The following GALNTL6 variants were observed in gnomAD, a reference collection of about 807,000 sequenced individuals.
GALNTL6 encodes the protein polypeptide N-acetylgalactosaminyltransferase-like 6.
Under a neutral mutation model 73.7 loss-of-function variants are expected in GALNTL6, and 46 were observed. The ratio of observed to expected loss-of-function variants is 0.62; its 90% CI spans 0.49 to 0.80. GALNTL6 has a LOEUF of 0.80. Among genes scored for constraint, GALNTL6 ranks in the 30% least tolerant of loss-of-function variants. The pLI is 0.00. For missense variants in GALNTL6, 604 were observed against 755.0 expected (o/e 0.80, Z 2.34); for synonymous variants, 259 against 263.7 (o/e 0.98, Z 0.17).
intron 8 of GALNTL6, among the ~76,000 whole-genome samples, chr4:172,910,565 G>A (rs760533921): frequency 2.6e-5 from 4 of 152,128 alleles, no homozygotes; most frequent in African/African-American, 7.2e-5. Context: ...AATTTAGTTT[G>A]GATGGTAAGA....
chr4:172,976,018 G>A (rs911238457), intron 10 of GALNTL6, among the ~76,000 whole-genome samples: 4 of 152,080 alleles, frequency 2.6e-5, no homozygotes, highest in East Asian at 1.9e-4. Context: ...CGCTTAACTC[G>A]GAAGGGGGCG....
chr4:172,134,830 C>T (rs547016824), intron 2 of GALNTL6, among the ~76,000 whole-genome samples: 1 of 152,178 alleles, frequency 6.6e-6, no homozygotes, highest in African/African-American at 2.4e-5. Flanking sequence ...ACAAAGATTT[C>T]TTCCATCATG....
intron 5 of GALNTL6, among the ~76,000 whole-genome samples, chr4:172,630,370 T>A (rs1739341741): frequency 6.6e-6 from 1 of 152,198 alleles, no homozygotes. Context: ...GACATTAATA[T>A]ACATTTTATC....
At chr4:172,751,240 CTT>C (rs1008820221) in intron 5 of GALNTL6, among the ~76,000 whole-genome samples, 2 of 152,114 alleles carry the variant, frequency 1.3e-5, no homozygotes, top group African/African-American at 2.4e-5. Flanking sequence ...GCTGTTGAGA[CTT>C]TAGTCTTTTC....
chr4:172,691,101 G>A (rs762708601), intron 5 of GALNTL6, among the ~76,000 whole-genome samples: 1 of 152,190 alleles, frequency 6.6e-6, no homozygotes, highest in Non-Finnish European at 1.5e-5. Context: ...AGGCAGGAAA[G>A]TTTCCATGGA....
chr4:172,367,272 T>C (rs1339408098), intron 5 of GALNTL6, among the ~76,000 whole-genome samples: 1 of 152,216 alleles, frequency 6.6e-6, no homozygotes, highest in Admixed American at 6.5e-5. Context: ...TTGGTCTTCC[T>C]ACAAGGATGA....
intron 7 of GALNTL6, among the ~76,000 whole-genome samples, chr4:172,814,176 C>T (rs1030114791): frequency 2.0e-5 from 3 of 152,124 alleles, no homozygotes; most frequent in African/African-American, 7.2e-5. Context: ...GTACCTATAA[C>T]GGAAGCGTGC....
chr4:171,980,059 A>G (rs1301752771), intron 2 of GALNTL6, among the ~76,000 whole-genome samples: 1 of 152,228 alleles, frequency 6.6e-6, no homozygotes, highest in Non-Finnish European at 1.5e-5. Context: ...AAAAAAATTA[A>G]TTAGCAATTA....
rs546935949 is a variant in GALNTL6 at position 172,817,965 on chromosome 4, A to G, written c.923+4242A>G. Among the ~76,000 whole-genome samples the G allele has an allele frequency of 2.2e-4, 33 of 152,348 alleles. 1 individual carries two copies. The South Asian group carries it at 5.8e-3, about 27-fold the overall frequency. ...ATGACAGAGCTATTAGAAATATTTG[A>G]GAATAGTTGCCATGCCTATACTGCC... On this transcript the variant is annotated intron_variant, in intron 7 of 12. Transcript: ENST00000506823.
intron 2 of GALNTL6, among the ~76,000 whole-genome samples, chr4:172,170,831 A>T (rs1363813075): frequency 6.6e-6 from 1 of 152,146 alleles, no homozygotes; most frequent in Non-Finnish European, 1.5e-5. Context: ...TGTTTATAGC[A>T]GTATGAAAAT....
intron 2 of GALNTL6, among the ~76,000 whole-genome samples, chr4:171,893,896 C>T: frequency 6.6e-6 from 1 of 152,230 alleles, no homozygotes; most frequent in African/African-American, 2.4e-5. Flanking sequence ...GTTTGTAAGC[C>T]ATAGTCCCAC....
intron 2 of GALNTL6, among the ~76,000 whole-genome samples, chr4:171,980,048 CAA>C (rs1053904600): frequency 6.6e-6 from 1 of 151,754 alleles, no homozygotes; most frequent in South Asian, 2.1e-4. Context: ...TAAACCAAGG[CAA>C]AAAAATTAAT....
At chr4:172,895,400 A>AT (rs1408605135) in intron 8 of GALNTL6, among the ~76,000 whole-genome samples, 2 of 96,770 alleles carry the variant, frequency 2.1e-5, no homozygotes, top group South Asian at 2.5e-4. Context: ...ATATATATAT[A>AT]TATTTTTTTT....
At chr4:171,841,532 T>G (rs1167153568) in intron 2 of GALNTL6, among the ~76,000 whole-genome samples, 1 of 152,100 alleles carries the variant, frequency 6.6e-6, no homozygotes, top group East Asian at 1.9e-4. Context: ...TGTATTAGTT[T>G]AAAACATACT....
chr4:171,937,767 A>G (rs1259328196), intron 2 of GALNTL6, among the ~76,000 whole-genome samples: 1 of 152,202 alleles, frequency 6.6e-6, no homozygotes, highest in Non-Finnish European at 1.5e-5. Context: ...AGCGAAGTAA[A>G]TGGAGTTCTG....
rs1734443658 is a variant in GALNTL6, at chr4:171,813,741, A to T, written c.-419A>T. 2 of 152,148 alleles carry T rather than the reference A, an allele frequency of 1.3e-5. No individual in the cohort carries two copies. The highest frequency in any genetic ancestry group is 2.9e-5 in the Non-Finnish European group (2 of 68,082). 9.4% of individuals were successfully genotyped at this position (152,148 alleles called of 1,614,324 possible). ...CTTCTCAGAGGATCGCATTCCGAGG[A>T]CCGCGCGAGGAAGGGACGTCGCGGC... On this transcript the variant is annotated 5_prime_UTR_variant, in exon 1 of 13. Transcript: ENST00000506823. This position sits in a 1 kb window ranked among gnomAD's most constrained non-coding sequence, Gnocchi z 5.2.
At position 172,332,168 on chromosome 4, in the gene GALNTL6, T is replaced by C. The variant is rs953626044; in HGVS notation, c.387-16355T>C. ...CCAGTTGGCCATTTGTGTGTCTTCC[T>C]TGGATGAATGTTTAAGTAATTATCT... On this transcript the variant is annotated intron_variant, in intron 4 of 12. Transcript: ENST00000506823. Among the ~76,000 whole-genome samples, 3 of 152,282 alleles carry C rather than the reference T, an allele frequency of 2.0e-5. No individual in the cohort carries two copies. The South Asian group carries it at 6.2e-4, about 32-fold the overall frequency.
intron 5 of GALNTL6, among the ~76,000 whole-genome samples, chr4:172,616,182 T>A (rs1268869592): frequency 6.6e-6 from 1 of 152,176 alleles, no homozygotes; most frequent in African/African-American, 2.4e-5. Flanking sequence ...ATGGATCTCA[T>A]TTGAAAAGTT....
chr4:171,869,084 C>A (rs1189682446), intron 2 of GALNTL6, among the ~76,000 whole-genome samples: 1 of 152,136 alleles, frequency 6.6e-6, no homozygotes, highest in African/African-American at 2.4e-5. Context: ...AGAAAAATCT[C>A]AGGAGAAATC....
Sources: gnomAD v4.1 joint callset for allele counts (sites outside exome capture counted in the v4.1 genomes callset) on GRCh38, gnomAD v4.1.1 for gene constraint, Gnocchi (gnomAD v3.1) non-coding constraint, MANE v1.5 for transcripts, NCBI Gene and HGNC (gene_info 2026-07-23, HGNC 2026-07-21) for gene names.